SULF2: variants seen among roughly 807,000 people sequenced by gnomAD.
The protein encoded by SULF2 is sulfatase 2.
SULF2 carries 52 observed loss-of-function variants against 107.7 expected under a neutral mutation model. The ratio of observed to expected loss-of-function variants is 0.48; its 90% CI spans 0.39 to 0.61. SULF2 has a LOEUF of 0.61. Ranked by LOEUF, SULF2 falls within the 20% of genes least tolerant of loss-of-function variation. The pLI, the probability that SULF2 is intolerant of heterozygous loss-of-function variation, is 0.00. For synonymous variants in SULF2, 460 were observed against 464.3 expected (o/e 0.99, Z 0.12); for missense variants, 993 against 1,177.3 (o/e 0.84, Z 2.29).
chr20:47,703,464 G>C (rs1402501588), intron 3 of SULF2, among the ~76,000 whole-genome samples: 1 of 152,168 alleles, frequency 6.6e-6, no homozygotes, highest in African/African-American at 2.4e-5. Context: ...CTTGGATTCT[G>C]TCTGCTATAC....
intron 11 of SULF2, among the ~76,000 whole-genome samples, chr20:47,670,797 G>A (rs1464021153): frequency 1.8e-5 from 2 of 111,788 alleles, no homozygotes; most frequent in African/African-American, 6.3e-5. Flanking sequence ...TAGCAGATAG[G>A]TTGCGTACTA....
intron 3 of SULF2, among the ~76,000 whole-genome samples, chr20:47,703,256 T>C (rs1237885303): frequency 1.3e-5 from 2 of 152,192 alleles, no homozygotes; most frequent in African/African-American, 4.8e-5. Context: ...TGAGTGAAAA[T>C]ATTATATTTT....
At chr20:47,658,516 A>G in intron 20 of SULF2, 124 bp from the exon 21 acceptor site, 1 of 1,087,088 alleles carries the variant, frequency 9.2e-7, no homozygotes, top group Non-Finnish European at 1.4e-6. Context: ...TTTCTAGGTT[A>G]CTTAGAACGG....
At chr20:47,673,165 G>A (rs2087532726) in intron 10 of SULF2, among the ~76,000 whole-genome samples, 1 of 152,170 alleles carries the variant, frequency 6.6e-6, no homozygotes, top group Non-Finnish European at 1.5e-5. Context: ...GCAACCACCT[G>A]TAAACTGGAT....
At chr20:47,753,098 C>CAAA (rs10578438) in intron 2 of SULF2, among the ~76,000 whole-genome samples, 176 of 90,532 alleles carry the variant, frequency 1.9e-3, no homozygotes, top group South Asian at 5.2e-3. Context: ...GAGACTCTCT[C>CAAA]AAAAAAAAAA....
In SULF2 at chr20:47,780,719, A is replaced by G. The variant is rs982542733; in HGVS notation, c.-101+4624T>C. ...CAGGCAAGCACCATCACACCTGGCT[A>G]ATTTTTGTATTTTTAGTAGAGAGAG... On this transcript the variant is annotated intron_variant, in intron 1 of 20. Coordinates refer to ENST00000688720, the MANE Select transcript of SULF2 (RefSeq NM_001387048.1). Among the ~76,000 whole-genome samples the G allele has an allele frequency of 2.6e-5, 4 of 152,004 alleles. No homozygotes were observed. In the South Asian group the frequency reaches 8.3e-4, roughly 31 times the overall value.
rs375390694 is a variant in SULF2 at position 47,663,541 on chromosome 20, G to A, written c.2139C>T (p.Arg713=). 4.1e-5 allele frequency: 66 copies of A among 1,612,814 alleles called. 1 individual carries two copies. Among genetic ancestry groups the A allele is most frequent in the Non-Finnish European group, 5.0e-5 (59 of 1,179,922 alleles). The change falls in exon 16 of 21, where the codon CGC becomes CGT. Residue 713 remains arginine, a synonymous_variant. Transcript: ENST00000688720. The part of the protein sequence containing the change: ...RKKKLRKLLK[R]LQNNDTCSMP... ...TGCTGCACGTGTCGTTGTTCTGCAG[G>A]CGCTTGAGCAGCTTGCGGAGTTTCT...
rs73913441 is a variant in SULF2, at chr20:47,718,704, T to G, written c.416-16034A>C. Among the ~76,000 whole-genome samples, 1,425 of 152,270 alleles carry G rather than the reference T, an allele frequency of 9.4e-3. 23 individuals carry two copies. The highest frequency in any genetic ancestry group is 0.032 in the African/African-American group (1,321 of 41,550). ...GAGAGTCAAGGATAACTCAAGGTTT[T>G]TGGTCCAAGCAATGAGGAGGACAGA... is the stretch of plus-strand genomic sequence containing the variant. On this transcript the variant is annotated intron_variant, in intron 3 of 20. Transcript: ENST00000688720.
rs780388275 is a variant in SULF2, at chr20:47,659,462, C to T, written c.2529-10G>A. 2.5e-6 allele frequency: 4 copies of T among 1,613,730 alleles called. No individual in the cohort carries two copies. In the African/African-American group the frequency reaches 5.3e-5, roughly 22 times the overall value. ...TCGACGCTGAAACTGCCTAAGTTTT[C>T]AAGTGTCAAAGGAGAATGAATGTTA... On this transcript the variant is annotated splice_polypyrimidine_tract_variant and intron_variant, in intron 19 of 20. Coordinates refer to ENST00000688720, the MANE Select transcript of SULF2 (RefSeq NM_001387048.1).
intron 3 of SULF2, among the ~76,000 whole-genome samples, chr20:47,729,977 C>T (rs1320951622): frequency 6.6e-6 from 1 of 152,206 alleles, no homozygotes. Flanking sequence ...TTTCCATCCT[C>T]CTGTGTGAGA....
intron 4 of SULF2, among the ~76,000 whole-genome samples, chr20:47,691,680 G>C (rs1446965817): frequency 6.6e-6 from 1 of 152,124 alleles, no homozygotes; most frequent in African/African-American, 2.4e-5. Flanking sequence ...CTTGGAAAGA[G>C]GATAAAATGT....
At chr20:47,709,872 G>A (rs1474067465) in intron 3 of SULF2, among the ~76,000 whole-genome samples, 1 of 151,558 alleles carries the variant, frequency 6.6e-6, no homozygotes, top group Non-Finnish European at 1.5e-5. Flanking sequence ...CTGGTTTGAG[G>A]CCCTGGGGAT....
In SULF2 at chr20:47,696,839, C is replaced by T. The variant is rs148266114; in HGVS notation, c.567+5680G>A. Among the ~76,000 whole-genome samples, 368 of 152,268 alleles carry T rather than the reference C, an allele frequency of 2.4e-3. 2 individuals carry two copies. Among genetic ancestry groups the T allele is most frequent in the African/African-American group, 8.2e-3 (339 of 41,524 alleles). ...AAGGCAGACCGGCCTCATCCTTTGCCGAGGATCTTCCAGAGGAGGGATGCT... is the reference window on the plus strand; with the variant it reads ...AAGGCAGACCGGCCTCATCCTTTGCTGAGGATCTTCCAGAGGAGGGATGCT... On this transcript the variant is annotated intron_variant, in intron 4 of 20. Coordinates refer to ENST00000688720, the MANE Select transcript of SULF2 (RefSeq NM_001387048.1).
At chr20:47,751,468 G>A (rs1322915941) in intron 2 of SULF2, among the ~76,000 whole-genome samples, 2 of 152,192 alleles carry the variant, frequency 1.3e-5, no homozygotes, top group Non-Finnish European at 2.9e-5. Flanking sequence ...CTCAATTTGG[G>A]TACTCTCTTC....
At chr20:47,765,699 C>T (rs2090516402) in intron 1 of SULF2, among the ~76,000 whole-genome samples, 2 of 152,188 alleles carry the variant, frequency 1.3e-5, no homozygotes, top group Non-Finnish European at 2.9e-5. Context: ...CAACAGTAAT[C>T]CACTCTTCCC....
At position 47,678,601 on chromosome 20, in the gene SULF2, C is replaced by T; in HGVS notation, c.1193+75G>A. On this transcript the variant is annotated intron_variant, in intron 8 of 20. Coordinates refer to ENST00000688720, the MANE Select transcript of SULF2 (RefSeq NM_001387048.1). This position sits in a 1 kb window ranked among gnomAD's most constrained non-coding sequence, Gnocchi z 4.5. ...ACCCTTGGAGACCCCACGTTCTAGA[C>T]CCACAGGGTTTTGCTCTGAGTTCCC... 2 of 1,584,360 alleles carry T rather than the reference C, an allele frequency of 1.3e-6. No homozygotes were observed. Among genetic ancestry groups the T allele is most frequent in the East Asian group, 2.3e-5 (1 of 44,380 alleles).
intron 1 of SULF2, among the ~76,000 whole-genome samples, chr20:47,780,685 C>A (rs958914207): frequency 1.3e-5 from 2 of 152,166 alleles, no homozygotes; most frequent in Admixed American, 6.5e-5. Context: ...TCCTGTGTAG[C>A]TGGAATTACA....
chr20:47,754,599 C>A (rs186982757), intron 2 of SULF2, among the ~76,000 whole-genome samples: 19 of 152,218 alleles, frequency 1.2e-4, no homozygotes, highest in Non-Finnish European at 1.5e-5. Flanking sequence ...AGAGCTGACA[C>A]AGGCCACTGA....
chr20:47,717,350 G>A (rs1447691159), intron 3 of SULF2, among the ~76,000 whole-genome samples: 1 of 152,180 alleles, frequency 6.6e-6, no homozygotes, highest in Non-Finnish European at 1.5e-5. Context: ...AAGTGTCAGA[G>A]CTGAAATGAG....
Sources: gnomAD v4.1 joint callset for allele counts (sites outside exome capture counted in the v4.1 genomes callset) on GRCh38, gnomAD v4.1.1 for gene constraint, Gnocchi (gnomAD v3.1) non-coding constraint, MANE v1.5 for transcripts, NCBI Gene and HGNC (gene_info 2026-07-23, HGNC 2026-07-21) for gene names.